The following ZDHHC15 variants were observed in gnomAD, a reference collection of about 807,000 sequenced individuals.
ZDHHC15 encodes the protein palmitoyltransferase ZDHHC15.
A neutral mutation model predicts 31.7 loss-of-function variants in ZDHHC15; 19 were observed. The observed-to-expected ratio is 0.60, with a 90% CI of 0.42 to 0.88. The LOEUF (loss-of-function observed/expected upper bound fraction) is 0.88, where lower values mean the gene tolerates loss of function less well. ZDHHC15 is among the 40% of genes least tolerant of loss of function. The pLI, the probability that ZDHHC15 is intolerant of heterozygous loss-of-function variation, is 0.00. For missense variants in ZDHHC15, 209 were observed against 251.2 expected (o/e 0.83, Z 1.14); for synonymous variants, 103 against 90.0 (o/e 1.14, Z -0.82).
At chrX:75,496,447 C>G (rs1398862273) in intron 2 of ZDHHC15, among the ~76,000 whole-genome samples, 1 of 111,131 alleles carries the variant, frequency 9.0e-6, no homozygotes, top group Admixed American at 9.6e-5. Flanking sequence ...GACTGGTCAT[C>G]AAGACAGAAA....
intron 3 of ZDHHC15, among the ~76,000 whole-genome samples, chrX:75,462,121 G>T (rs2084326585): frequency 9.0e-6 from 1 of 110,970 alleles, no homozygotes; most frequent in Non-Finnish European, 1.9e-5. Flanking sequence ...AAAAGTAGAG[G>T]TTACAATCCT....
intron 10 of ZDHHC15, among the ~76,000 whole-genome samples, chrX:75,401,262 A>T (rs1370353320): frequency 9.0e-6 from 1 of 111,323 alleles, no homozygotes; most frequent in Admixed American, 9.5e-5. Context: ...TTCCAAAAAA[A>T]AAAAAAGAAA....
At chrX:75,377,556 T>C (rs186100984) in intron 11 of ZDHHC15, among the ~76,000 whole-genome samples, 1 of 111,057 alleles carries the variant, frequency 9.0e-6, no homozygotes, top group Admixed American at 9.6e-5. Flanking sequence ...TGAATCACTT[T>C]ATTAATATAT....
chrX:75,517,200 C>A (rs1185420574), intron 1 of ZDHHC15, among the ~76,000 whole-genome samples: 1 of 111,572 alleles, frequency 9.0e-6, no homozygotes, highest in East Asian at 2.8e-4. Context: ...GGATCTAGAA[C>A]TAGAAATACT....
At chrX:75,515,622 A>C (rs1469500158) in intron 1 of ZDHHC15, among the ~76,000 whole-genome samples, 1 of 111,811 alleles carries the variant, frequency 8.9e-6, no homozygotes, top group African/African-American at 3.3e-5. Context: ...CCCACAGCCA[A>C]TATCCTACCG....
intron 10 of ZDHHC15, among the ~76,000 whole-genome samples, chrX:75,380,745 C>T (rs1345779965): frequency 1.8e-5 from 2 of 111,396 alleles, no homozygotes; most frequent in African/African-American, 6.5e-5. Flanking sequence ...ACCATCTGCA[C>T]CTATACTCCT....
chrX:75,522,996 G>T lies in ZDHHC15; in HGVS notation c.29C>A (p.Ser10Tyr), dbSNP rs777119134. ...CCGGCGGCAGCACCGCAGCCCCCCAGACAGAGCCATCTTCCAGCCTCGCCG... is the reference window on the plus strand; with the variant it reads ...CCGGCGGCAGCACCGCAGCCCCCCATACAGAGCCATCTTCCAGCCTCGCCG... MRRGWKMAL[S>Y]GGLRCCRRVL... The change falls in exon 1 of 12, where the codon TCT becomes TAT. Residue 10 changes from serine (S) to tyrosine (Y), a missense_variant. Physicochemically the swap from Ser to Tyr is moderately radical, Grantham distance 144. Coordinates refer to ENST00000373367, the MANE Select transcript of ZDHHC15 (RefSeq NM_144969.3). The T allele has an allele frequency of 8.3e-7, 1 of 1,209,517 alleles. No homozygotes were observed. The highest frequency in any genetic ancestry group is 1.8e-5 in the South Asian group (1 of 56,778).
At chrX:75,420,437 C>T (rs1357074172) in intron 9 of ZDHHC15, among the ~76,000 whole-genome samples, 5 of 111,449 alleles carry the variant, frequency 4.5e-5, no homozygotes, top group African/African-American at 1.6e-4. Flanking sequence ...CCATTTGACC[C>T]AGCCATCCCA....
chrX:75,392,683 G>A, intron 10 of ZDHHC15, among the ~76,000 whole-genome samples: 1 of 112,450 alleles, frequency 8.9e-6, no homozygotes, highest in East Asian at 2.8e-4. Context: ...ATACTTAAAT[G>A]TTGATGTGAA....
intron 1 of ZDHHC15, among the ~76,000 whole-genome samples, chrX:75,511,937 C>T (rs1214361495): frequency 5.1e-5 from 1 of 19,455 alleles, no homozygotes; most frequent in African/African-American, 2.0e-4. Context: ...AGCTTATCCA[C>T]CATGATCAAG....
chrX:75,384,468 C>A lies in ZDHHC15; in HGVS notation c.968-5270G>T, dbSNP rs759171614. ...TCTATAAGAAAGGTGATATTGTAGA[C>A]ATCAAGGGAATGGGTACTGTTCAAA... On this transcript the variant is annotated intron_variant, in intron 10 of 11. Coordinates refer to ENST00000373367, the MANE Select transcript of ZDHHC15 (RefSeq NM_144969.3). The A allele has an allele frequency of 7.8e-6, 6 of 767,217 alleles. No homozygotes were observed. The South Asian group carries it at 1.3e-4, about 16-fold the overall frequency. The allele number at this position is 767,217 out of a possible 1,213,427, so 63.2% of individuals were successfully genotyped here. A position where few individuals can be genotyped will look rare whatever the true frequency, so the allele number is the denominator to read the frequency against.
chrX:75,411,317 T>C (rs917461668), intron 10 of ZDHHC15, among the ~76,000 whole-genome samples: 59 of 110,739 alleles, frequency 5.3e-4, no homozygotes, highest in African/African-American at 1.9e-3. Flanking sequence ...CACGCCACTC[T>C]CCTGCCTGCC....
chrX:75,459,451 T>C (rs1273401596), intron 3 of ZDHHC15, among the ~76,000 whole-genome samples: 1 of 111,399 alleles, frequency 9.0e-6, no homozygotes, highest in Non-Finnish European at 1.9e-5. Context: ...TGTGATTCAG[T>C]CAGCTCAGCC....
chrX:75,513,182 A>T (rs2085301607), intron 1 of ZDHHC15, among the ~76,000 whole-genome samples: 1 of 111,588 alleles, frequency 9.0e-6, no homozygotes, highest in Admixed American at 9.6e-5. Flanking sequence ...AACCATAAAA[A>T]CCCTAGAAGA....
chrX:75,449,916 A>G (rs1303206503), intron 4 of ZDHHC15, among the ~76,000 whole-genome samples: 8 of 112,120 alleles, frequency 7.1e-5, no homozygotes, highest in African/African-American at 1.9e-4. Context: ...CATGCAGATG[A>G]AACCTAAGAG....
At chrX:75,464,088 T>C (rs2084364778) in intron 3 of ZDHHC15, among the ~76,000 whole-genome samples, 1 of 111,918 alleles carries the variant, frequency 8.9e-6, no homozygotes, top group African/African-American at 3.3e-5. Context: ...ATATACACCA[T>C]GGAATACTAT....
At chrX:75,383,659 T>C (rs1005796437) in intron 10 of ZDHHC15, among the ~76,000 whole-genome samples, 2 of 110,563 alleles carry the variant, frequency 1.8e-5, no homozygotes, top group East Asian at 5.6e-4. Context: ...TAACATATCC[T>C]GTATTGTGTT....
intron 2 of ZDHHC15, among the ~76,000 whole-genome samples, chrX:75,479,930 G>T (rs1319509015): frequency 1.8e-5 from 2 of 111,401 alleles, no homozygotes; most frequent in Non-Finnish European, 3.8e-5. Flanking sequence ...TATAAAAGTG[G>T]CTCTCTACTA....
chrX:75,456,449 A>G (rs2084223871), intron 3 of ZDHHC15, among the ~76,000 whole-genome samples: 1 of 110,831 alleles, frequency 9.0e-6, no homozygotes, highest in Non-Finnish European at 1.9e-5. Flanking sequence ...ACATATATAC[A>G]TATGTAACAA....
Sources: allele counts gnomAD v4.1 joint callset (sites outside exome capture counted in the v4.1 genomes callset), GRCh38; gene constraint gnomAD v4.1.1; transcripts MANE v1.5; gene names NCBI Gene and HGNC (gene_info 2026-07-23, HGNC 2026-07-21).